Variants in CNTN6 observed in about 807,000 individuals in gnomAD.
CNTN6 encodes the protein contactin-6.
Under a neutral mutation model 122.8 loss-of-function variants are expected in CNTN6, and 137 were observed. The observed-to-expected ratio is 1.12, with a 90% confidence interval of 0.97 to 1.29. The LOEUF is 1.29. Ranked by LOEUF, CNTN6 falls within the 50% of genes most tolerant of loss-of-function variation. The pLI, the probability that CNTN6 is intolerant of heterozygous loss-of-function variation, is 0.00. For missense variants in CNTN6, 1,634 were observed against 1,223.4 expected, an observed-to-expected ratio of 1.34 and a Z score of -5.01; for synonymous variants, 570 against 426.0, an observed-to-expected ratio of 1.34 and a Z score of -4.16.
intron 2 of CNTN6, among the ~76,000 whole-genome samples, chr3:1,153,011 T>C (rs2092882038): frequency 6.6e-6 from 1 of 152,242 alleles, no homozygotes; most frequent in African/African-American, 2.4e-5. Flanking sequence ...AACATTCTTA[T>C]TTTAACTAAG....
intron 2 of CNTN6, among the ~76,000 whole-genome samples, chr3:1,212,257 T>TTG (rs2094051155): frequency 2.0e-5 from 3 of 149,994 alleles, no homozygotes; most frequent in East Asian, 2.0e-4. Flanking sequence ...AACTTGTTTT[T>TTG]TTTTTTTTTT....
intron 4 of CNTN6, among the ~76,000 whole-genome samples, chr3:1,269,662 A>G (rs113326081): frequency 5.3e-5 from 8 of 152,210 alleles, no homozygotes; most frequent in African/African-American, 1.7e-4. Flanking sequence ...TCATAGACCA[A>G]TTACCTAATT....
chr3:1,366,500 C>A (rs1396161466), intron 12 of CNTN6, among the ~76,000 whole-genome samples: 1 of 152,096 alleles, frequency 6.6e-6, no homozygotes, highest in Non-Finnish European at 1.5e-5. Flanking sequence ...CTCTCAGATG[C>A]TTGAGTTTCT....
chr3:1,344,554 TA>T (rs1233264059), intron 11 of CNTN6, among the ~76,000 whole-genome samples: 1 of 152,148 alleles, frequency 6.6e-6, no homozygotes, highest in African/African-American at 2.4e-5. Flanking sequence ...GGGATTCAGA[TA>T]AGCAGATTGG....
At chr3:1,393,581 CTT>C (rs1694553164) in intron 20 of CNTN6, among the ~76,000 whole-genome samples, 2 of 142,648 alleles carry the variant, frequency 1.4e-5, no homozygotes, top group African/African-American at 5.1e-5. Context: ...AAAAGAAACT[CTT>C]GTGTGTAATT....
chr3:1,294,657 G>A (rs920619130), intron 5 of CNTN6, among the ~76,000 whole-genome samples: 1 of 152,148 alleles, frequency 6.6e-6, no homozygotes, highest in Non-Finnish European at 1.5e-5. Context: ...CCTGTTTCAT[G>A]TTTATGCTCT....
chr3:1,210,232 TA>T (rs2094015545), intron 2 of CNTN6, among the ~76,000 whole-genome samples: 1 of 152,122 alleles, frequency 6.6e-6, no homozygotes, highest in Non-Finnish European at 1.5e-5. Context: ...TCTCTAGAAT[TA>T]CTTTTCTGTT....
At chr3:1,388,789 G>A (rs1274002716) in intron 20 of CNTN6, among the ~76,000 whole-genome samples, 1 of 149,710 alleles carries the variant, frequency 6.7e-6, no homozygotes, top group Non-Finnish European at 1.5e-5. Flanking sequence ...GAGCCGATGT[G>A]ATCAACTGGA....
intron 20 of CNTN6, among the ~76,000 whole-genome samples, chr3:1,387,405 A>G (rs1402777930): frequency 1.3e-5 from 2 of 152,170 alleles, no homozygotes; most frequent in Non-Finnish European, 2.9e-5. Flanking sequence ...TGGATGTATG[A>G]TTTGCTTCTT....
At chr3:1,221,532 G>C (rs2094207729) in intron 3 of CNTN6, among the ~76,000 whole-genome samples, 1 of 152,046 alleles carries the variant, frequency 6.6e-6, no homozygotes, top group Admixed American at 6.6e-5. Context: ...AAGGCAGAAA[G>C]GGAATTTTTA....
intron 7 of CNTN6, among the ~76,000 whole-genome samples, chr3:1,308,579 A>G (rs1288238265): frequency 1.3e-5 from 2 of 151,886 alleles, no homozygotes; most frequent in African/African-American, 4.8e-5. Flanking sequence ...ATCTATAAGT[A>G]TTTCTACATA....
At chr3:1,373,264 G>A (rs1180659441) in intron 14 of CNTN6, among the ~76,000 whole-genome samples, 2 of 152,032 alleles carry the variant, frequency 1.3e-5, no homozygotes, top group Admixed American at 1.3e-4. Flanking sequence ...TCAATCCAGA[G>A]TCAAATCCAC....
At chr3:1,311,418 T>C (rs1699265429) in intron 7 of CNTN6, among the ~76,000 whole-genome samples, 1 of 58,910 alleles carries the variant, frequency 1.7e-5, no homozygotes. Flanking sequence ...AAAATGTCTT[T>C]ATATGTACAT....
chr3:1,292,834 C>T (rs1186502156), intron 5 of CNTN6, among the ~76,000 whole-genome samples: 1 of 152,064 alleles, frequency 6.6e-6, no homozygotes, highest in East Asian at 1.9e-4. Flanking sequence ...TATTTCCCTC[C>T]ACTCACTCTG....
chr3:1,380,667 C>G (rs1415268117), intron 17 of CNTN6, among the ~76,000 whole-genome samples: 1 of 152,148 alleles, frequency 6.6e-6, no homozygotes, highest in Non-Finnish European at 1.5e-5. Flanking sequence ...TTTCTAATGT[C>G]TCAGTCTGCT....
At chr3:1,102,476 A>G (rs1459103619) in intron 1 of CNTN6, among the ~76,000 whole-genome samples, 1 of 152,128 alleles carries the variant, frequency 6.6e-6, no homozygotes, top group Non-Finnish European at 1.5e-5. Context: ...CCCGCCTGTA[A>G]TCCCAGCACT....
intron 1 of CNTN6, among the ~76,000 whole-genome samples, chr3:1,119,714 G>A (rs981178970): frequency 6.6e-6 from 1 of 151,418 alleles, no homozygotes; most frequent in Non-Finnish European, 1.5e-5. Context: ...ATATGAAATT[G>A]TCATTGACTT....
intron 1 of CNTN6, among the ~76,000 whole-genome samples, chr3:1,102,466 C>G (rs996743012): frequency 1.3e-5 from 2 of 152,160 alleles, no homozygotes; most frequent in Non-Finnish European, 2.9e-5. Context: ...CGCGGTGGCT[C>G]CCGCCTGTAA....
chr3:1,128,473 A>C (rs1425055177), intron 1 of CNTN6: 1 of 152,012 alleles, frequency 6.6e-6, no homozygotes. Flanking sequence ...TCCCCACTCC[A>C]CAATTTGTCA....
Sources: allele counts gnomAD v4.1 joint callset (sites outside exome capture counted in the v4.1 genomes callset), GRCh38; gene constraint gnomAD v4.1.1; transcripts MANE v1.5; gene names NCBI Gene and HGNC (gene_info 2026-07-23, HGNC 2026-07-21).